The following RTN1 variants were observed in gnomAD, a reference collection of about 807,000 sequenced individuals.
The protein encoded by RTN1 is reticulon 1.
RTN1 carries 25 observed loss-of-function variants against 65.5 expected under a neutral mutation model. The observed-to-expected ratio is 0.38, with a 90% CI of 0.28 to 0.53. The LOEUF (loss-of-function observed/expected upper bound fraction) is 0.53. RTN1 is among the 20% of genes least tolerant of loss of function. The pLI, the probability that RTN1 is intolerant of heterozygous loss-of-function variation, is 0.79. For synonymous variants in RTN1, 471 were observed against 447.6 expected, an observed-to-expected ratio of 1.05 and a Z score of -0.66; for missense variants, 983 against 1,025.4, an observed-to-expected ratio of 0.96 and a Z score of 0.57.
chr14:59,739,329 G>A (rs1027363563), intron 2 of RTN1, among the ~76,000 whole-genome samples: 2 of 152,094 alleles, frequency 1.3e-5, no homozygotes, highest in Admixed American at 6.6e-5. Context: ...GGGGAGGCCA[G>A]GAGTTCGGGG....
chr14:59,709,937 A>G (rs545105871), intron 3 of RTN1, among the ~76,000 whole-genome samples: 17 of 152,096 alleles, frequency 1.1e-4, no homozygotes, highest in Admixed American at 3.9e-4. Context: ...AAAAATAACC[A>G]TAGGGCTGAA....
intron 3 of RTN1, among the ~76,000 whole-genome samples, chr14:59,632,427 T>G (rs897509443): frequency 2.0e-5 from 3 of 152,212 alleles, no homozygotes; most frequent in Non-Finnish European, 4.4e-5. Context: ...GACTTCTCAC[T>G]GCATGATATG....
intron 3 of RTN1, chr14:59,610,322 A>T: frequency 1.7e-6 from 1 of 574,218 alleles, no homozygotes; most frequent in East Asian, 2.9e-5. Context: ...AGATTGCAGG[A>T]GGTTTCTAAT....
At chr14:59,598,583 G>A (rs1443266083) in intron 8 of RTN1, among the ~76,000 whole-genome samples, 1 of 152,176 alleles carries the variant, frequency 6.6e-6, no homozygotes, top group Non-Finnish European at 1.5e-5. Context: ...GGTGCCAGCA[G>A]AGGACATGTG....
At chr14:59,750,086 CAT>C (rs1315981127) in intron 1 of RTN1, among the ~76,000 whole-genome samples, 3 of 70,800 alleles carry the variant, frequency 4.2e-5, no homozygotes, top group African/African-American at 7.7e-5. Context: ...ATATTATAGA[CAT>C]ATATATTATA....
At position 59,684,440 on chromosome 14, in the gene RTN1, T is replaced by G. The variant is rs534370727; in HGVS notation, c.1765+42479A>C. On this transcript the variant is annotated intron_variant, in intron 3 of 8. Transcript: ENST00000267484. ...AAATTTATGGCAATAAACAGAATTA[T>G]TGTATTATCATGACTTAGATATTAT... Among the ~76,000 whole-genome samples the G allele has an allele frequency of 5.3e-5, 8 of 152,232 alleles. 1 individual carries two copies. Among genetic ancestry groups the G allele is most frequent in the Non-Finnish European group, 1.5e-5 (1 of 67,946 alleles).
chr14:59,770,315 T>C (rs1408988507), intron 1 of RTN1, among the ~76,000 whole-genome samples: 3 of 144,590 alleles, frequency 2.1e-5, no homozygotes, highest in Non-Finnish European at 4.5e-5. Context: ...GAGGTAGAGG[T>C]TGCAGTGAGC....
At chr14:59,641,583 C>A (rs1882782418) in intron 3 of RTN1, among the ~76,000 whole-genome samples, 1 of 152,108 alleles carries the variant, frequency 6.6e-6, no homozygotes. Flanking sequence ...GTTGGTCAGG[C>A]TAGTCTTGAA....
intron 1 of RTN1, among the ~76,000 whole-genome samples, chr14:59,869,233 G>A (rs1211676141): frequency 6.6e-6 from 1 of 151,748 alleles, no homozygotes; most frequent in African/African-American, 2.4e-5. Context: ...AGAAGCTTAC[G>A]AAAAGGGGTT....
intron 3 of RTN1, among the ~76,000 whole-genome samples, chr14:59,721,468 T>C (rs752805619): frequency 3.9e-5 from 6 of 152,242 alleles, no homozygotes; most frequent in Non-Finnish European, 8.8e-5. Context: ...CTGTTTACAA[T>C]AGAAATTCTC....
At chr14:59,678,783 G>A (rs555938960) in intron 3 of RTN1, among the ~76,000 whole-genome samples, 2 of 152,174 alleles carry the variant, frequency 1.3e-5, no homozygotes, top group Non-Finnish European at 2.9e-5. Context: ...TTCTCAAAGC[G>A]TGACCACAGA....
At chr14:59,698,595 GCT>G (rs1436421824) in intron 3 of RTN1, among the ~76,000 whole-genome samples, 2 of 152,052 alleles carry the variant, frequency 1.3e-5, no homozygotes, top group Non-Finnish European at 2.9e-5. Context: ...CCCTTCACAA[GCT>G]CTCTCTCTTT....
intron 1 of RTN1, among the ~76,000 whole-genome samples, chr14:59,809,045 T>G (rs1230362390): frequency 1.3e-5 from 2 of 152,214 alleles, no homozygotes; most frequent in Admixed American, 1.3e-4. Context: ...CAAAAACTGT[T>G]TCCAAGGATT....
chr14:59,797,356 A>G (rs1886459027), intron 1 of RTN1, among the ~76,000 whole-genome samples: 1 of 152,162 alleles, frequency 6.6e-6, no homozygotes, highest in Admixed American at 6.5e-5. Context: ...AATGCAACCT[A>G]TGCCAATTAA....
chr14:59,755,665 G>A (rs1388716308), intron 1 of RTN1, among the ~76,000 whole-genome samples: 1 of 152,194 alleles, frequency 6.6e-6, no homozygotes. Context: ...GAATATGCCA[G>A]AGAGACTCTA....
At chr14:59,806,734 G>T (rs978940922) in intron 1 of RTN1, among the ~76,000 whole-genome samples, 2 of 152,090 alleles carry the variant, frequency 1.3e-5, no homozygotes, top group African/African-American at 4.8e-5. Flanking sequence ...TTCTGTTCCT[G>T]CATCAGTTTT....
chr14:59,639,505 C>T (rs1335270649), intron 3 of RTN1, among the ~76,000 whole-genome samples: 2 of 152,086 alleles, frequency 1.3e-5, no homozygotes, highest in Non-Finnish European at 2.9e-5. Context: ...TTTTCCGTTC[C>T]AATCTTTGTA....
intron 3 of RTN1, among the ~76,000 whole-genome samples, chr14:59,694,268 T>A (rs1441928909): frequency 6.6e-6 from 1 of 152,118 alleles, no homozygotes; most frequent in African/African-American, 2.4e-5. Context: ...GTAATGCTAG[T>A]GTAATAATTA....
chr14:59,751,657 TCA>T (rs1463447822), intron 1 of RTN1, among the ~76,000 whole-genome samples: 1 of 152,182 alleles, frequency 6.6e-6, no homozygotes, highest in Non-Finnish European at 1.5e-5. Context: ...AGGCTGTATC[TCA>T]GTCATTATCA....
Sources: gnomAD v4.1 joint callset for allele counts (sites outside exome capture counted in the v4.1 genomes callset) on GRCh38, gnomAD v4.1.1 for gene constraint, MANE v1.5 for transcripts, NCBI Gene and HGNC (gene_info 2026-07-23, HGNC 2026-07-21) for gene names.